DLG2: variants seen among roughly 807,000 people sequenced by gnomAD.
DLG2 encodes discs large MAGUK scaffold protein 2, also known as disks large homolog 2.
A neutral mutation model predicts 132.5 loss-of-function variants in DLG2; 45 were observed. That is an observed-to-expected ratio of 0.34 (90% CI 0.27 to 0.44). The LOEUF (loss-of-function observed/expected upper bound fraction) is 0.44, where lower values mean the gene tolerates loss of function less well. Among genes scored for constraint, DLG2 ranks in the 20% least tolerant of loss-of-function variants. The pLI is 1.00. For synonymous variants in DLG2, 424 were observed against 419.6 expected (o/e 1.01, Z -0.13); for missense variants, 1,045 against 1,196.9 (o/e 0.87, Z 1.87).
intron 3 of DLG2, among the ~76,000 whole-genome samples, chr11:85,350,797 T>C (rs1330431690): frequency 1.3e-5 from 2 of 152,228 alleles, no homozygotes; most frequent in Non-Finnish European, 2.9e-5. Context: ...TACCATGCTA[T>C]TTTCGTTACT....
intron 6 of DLG2, among the ~76,000 whole-genome samples, chr11:84,980,203 A>T (rs1657656829): frequency 6.6e-6 from 1 of 152,222 alleles, no homozygotes; most frequent in Non-Finnish European, 1.5e-5. Context: ...GAAAGTTATT[A>T]AAATTATTTC....
chr11:84,215,439 T>C (rs2096823373), intron 8 of DLG2, among the ~76,000 whole-genome samples: 1 of 151,998 alleles, frequency 6.6e-6, no homozygotes, highest in South Asian at 2.1e-4. Context: ...TCAATTATTT[T>C]TTTTTCCTTA....
intron 3 of DLG2, among the ~76,000 whole-genome samples, chr11:85,385,190 T>C (rs929893697): frequency 6.6e-6 from 1 of 152,182 alleles, no homozygotes; most frequent in Non-Finnish European, 1.5e-5. Context: ...AATAAATGAA[T>C]GTATCTGAGT....
intron 3 of DLG2, among the ~76,000 whole-genome samples, chr11:85,388,240 T>C (rs2086509345): frequency 6.6e-6 from 1 of 151,996 alleles, no homozygotes; most frequent in African/African-American, 2.4e-5. Context: ...ATAAGTCCCC[T>C]GAGAACATAA....
At chr11:84,596,153 G>T (rs1317974971) in intron 6 of DLG2, among the ~76,000 whole-genome samples, 1 of 151,780 alleles carries the variant, frequency 6.6e-6, no homozygotes, top group Non-Finnish European at 1.5e-5. Context: ...AGAATTATCA[G>T]ACTTACTCTG....
intron 13 of DLG2, among the ~76,000 whole-genome samples, chr11:83,963,290 T>G (rs2089335071): frequency 6.6e-6 from 1 of 151,910 alleles, no homozygotes; most frequent in Non-Finnish European, 1.5e-5. Context: ...GGAGAAGAGA[T>G]CCAGCACACA....
chr11:83,503,763 C>A (rs1348468118), intron 21 of DLG2, among the ~76,000 whole-genome samples: 1 of 152,102 alleles, frequency 6.6e-6, no homozygotes, highest in Non-Finnish European at 1.5e-5. Context: ...ATGTTAATCT[C>A]CTTTGGCAAC....
At chr11:84,648,201 C>T (rs766088044) in intron 6 of DLG2, among the ~76,000 whole-genome samples, 35 of 152,202 alleles carry the variant, frequency 2.3e-4, no homozygotes, top group Admixed American at 3.3e-4. Context: ...AATGCTAATG[C>T]GTATTAATAC....
At chr11:84,830,952 C>T in intron 6 of DLG2, among the ~76,000 whole-genome samples, 1 of 60,594 alleles carries the variant, frequency 1.7e-5, no homozygotes, top group Admixed American at 1.6e-4. Flanking sequence ...TCTCTCTCCT[C>T]CCCCCACCCC....
chr11:85,237,368 C>G (rs148944504), intron 4 of DLG2, among the ~76,000 whole-genome samples: 91 of 152,128 alleles, frequency 6.0e-4, no homozygotes, highest in African/African-American at 2.1e-3. Context: ...AGAGCCTAAG[C>G]TGAGAACCAA....
At chr11:84,574,496 A>G (rs2099494195) in intron 6 of DLG2, among the ~76,000 whole-genome samples, 2 of 152,174 alleles carry the variant, frequency 1.3e-5, no homozygotes, top group Non-Finnish European at 2.9e-5. Flanking sequence ...GGATCTTGAT[A>G]TCAATTAGAG....
chr11:84,730,469 CA>C (rs1361311480), intron 6 of DLG2, among the ~76,000 whole-genome samples: 2 of 152,010 alleles, frequency 1.3e-5, no homozygotes, highest in Non-Finnish European at 2.9e-5. Context: ...TTATTTAAAA[CA>C]AATGTCAACC....
At chr11:83,498,507 G>A (rs1348306496) in intron 21 of DLG2, among the ~76,000 whole-genome samples, 1 of 151,898 alleles carries the variant, frequency 6.6e-6, no homozygotes, top group African/African-American at 2.4e-5. Flanking sequence ...TTAGATGAAT[G>A]AGAATGAAGA....
chr11:85,485,830 C>T (rs932035236), intron 3 of DLG2, among the ~76,000 whole-genome samples: 5 of 152,196 alleles, frequency 3.3e-5, no homozygotes, highest in African/African-American at 1.2e-4. Context: ...CCCTGAGCAG[C>T]TGCTTCTTGG....
At chr11:84,387,976 T>G (rs2098777640) in intron 7 of DLG2, among the ~76,000 whole-genome samples, 1 of 152,144 alleles carries the variant, frequency 6.6e-6, no homozygotes, top group South Asian at 2.1e-4. Context: ...AAAACTTTAG[T>G]GTGGAGATGA....
At chr11:85,318,033 T>C (rs1266656853) in intron 3 of DLG2, among the ~76,000 whole-genome samples, 3 of 151,932 alleles carry the variant, frequency 2.0e-5, no homozygotes, top group Non-Finnish European at 4.4e-5. Context: ...TTTAATTACA[T>C]TTCCATGCCA....
chr11:84,671,401 C>G (rs1029243903), intron 6 of DLG2, among the ~76,000 whole-genome samples: 2 of 152,038 alleles, frequency 1.3e-5, no homozygotes, highest in African/African-American at 4.8e-5. Context: ...TTGTACCTGG[C>G]CTTACAGTAC....
chr11:83,593,546 A>T (rs1315342630), intron 19 of DLG2, among the ~76,000 whole-genome samples: 1 of 151,912 alleles, frequency 6.6e-6, no homozygotes, highest in African/African-American at 2.4e-5. Context: ...CTAATGCTAG[A>T]TGACGAGTTA....
chr11:84,120,347 T>C (rs547014789), intron 9 of DLG2, among the ~76,000 whole-genome samples: 1 of 152,344 alleles, frequency 6.6e-6, no homozygotes, highest in South Asian at 2.1e-4. Flanking sequence ...CTATCTTGTC[T>C]ACCCCATTTA....
Sources: allele counts gnomAD v4.1 joint callset (sites outside exome capture counted in the v4.1 genomes callset), GRCh38; gene constraint gnomAD v4.1.1; transcripts MANE v1.5; gene names NCBI Gene and HGNC (gene_info 2026-07-23, HGNC 2026-07-21).